The following SACS variants were observed in gnomAD, a reference collection of about 807,000 sequenced individuals.
SACS encodes sacsin.
Under a neutral mutation model 348.0 loss-of-function variants are expected in SACS, and 197 were observed. The observed-to-expected ratio is 0.57, with a 90% CI of 0.50 to 0.64. The LOEUF is 0.64. SACS is among the 30% of genes least tolerant of loss of function. The pLI is 0.00. For synonymous variants in SACS, 1,985 were observed against 1,910.6 expected (o/e 1.04, Z -1.02); for missense variants, 4,999 against 5,360.8 (o/e 0.93, Z 2.11).
rs1276892864 is a variant in SACS at position 23,334,982 on chromosome 13, A to C, written c.8894T>G (p.Val2965Gly). The C allele has an allele frequency of 6.2e-7, 1 of 1,613,926 alleles. No homozygotes were observed. The highest frequency in any genetic ancestry group is 8.5e-7 in the Non-Finnish European group (1 of 1,179,832). Reference protein sequence around the residue: ...TLKKFLSFFPVNRLDLQPDLY... With the variant: ...TLKKFLSFFPGNRLDLQPDLY... ...ATCTGGCTGTAGATCAAGACGGTTA[A>C]CTGGGAAAAACGATAAAAACTTCTT... is the stretch of plus-strand genomic sequence containing the variant. Residue 2965 changes from valine (V) to glycine (G), a missense_variant, in exon 10 of 10, where the codon GTT becomes GGT. By Grantham distance (109) the Val-to-Gly change is moderately radical (BLOSUM62 -3). Around this residue, in one of 6 missense-constraint regions of SACS, gnomAD observed 734 missense variants for 694.0 expected, o/e 1.06. Transcript: ENST00000382292.
chr13:23,433,564 C>G (rs922709110), intron 1 of SACS, 51 bp downstream of exon 1: 1 of 152,372 alleles, frequency 6.6e-6, no homozygotes, highest in Non-Finnish European at 1.5e-5. Context: ...CGTCCCCAGG[C>G]CGCTCCTGCA....
intron 2 of SACS, among the ~76,000 whole-genome samples, chr13:23,399,742 C>T (rs546211840): frequency 1.2e-4 from 19 of 152,126 alleles, no homozygotes; most frequent in South Asian, 4.2e-4. Flanking sequence ...TTTGAGTGCT[C>T]GTTTTCCTTG....
intron 1 of SACS, among the ~76,000 whole-genome samples, chr13:23,424,382 G>A (rs905291048): frequency 9.2e-5 from 14 of 152,254 alleles, no homozygotes; most frequent in South Asian, 2.1e-4. Flanking sequence ...AAAATTAGCC[G>A]GGCATGGTGG....
At chr13:23,428,930 C>T (rs1173087484) in intron 1 of SACS, 1 of 152,138 alleles carries the variant, frequency 6.6e-6, no homozygotes, top group Non-Finnish European at 1.5e-5. Flanking sequence ...GTTTATCTGG[C>T]CTCAGATTCT....
intron 1 of SACS, among the ~76,000 whole-genome samples, chr13:23,426,607 T>C (rs1352139794): frequency 1.4e-5 from 2 of 142,126 alleles, no homozygotes; most frequent in African/African-American, 5.3e-5. Context: ...GCCATTGCAC[T>C]CCAGCCTGGG....
intron 1 of SACS, among the ~76,000 whole-genome samples, chr13:23,426,458 T>G (rs1874179549): frequency 6.6e-6 from 1 of 152,034 alleles, no homozygotes. Context: ...CTGGCCAACA[T>G]GGTGAAACCC....
In SACS at chr13:23,368,434, T is replaced by G; in HGVS notation, c.313A>C (p.Arg105=). 6.2e-7 allele frequency: 1 copy of G among 1,613,096 alleles called. No homozygotes were observed. Among genetic ancestry groups the G allele is most frequent in the Non-Finnish European group, 8.5e-7 (1 of 1,179,512 alleles). Residue 105 remains arginine (R), a synonymous_variant, in exon 5 of 10, where the codon AGA becomes CGA. Transcript: ENST00000382292. ...PLVDFLKDIL[R]RYPEGGQILK... Reference sequence around the variant, plus strand: ...ATCTGTCCTCCTTCTGGATATCTTCTCAAAATGTCCTTGAGAAAATCAACA... The same window carrying G: ...ATCTGTCCTCCTTCTGGATATCTTCGCAAAATGTCCTTGAGAAAATCAACA...
chr13:23,420,232 C>T (rs999319338), intron 1 of SACS, among the ~76,000 whole-genome samples: 1 of 152,138 alleles, frequency 6.6e-6, no homozygotes, highest in Non-Finnish European at 1.5e-5. Context: ...TTACCTGGAA[C>T]CTGATGTCCA....
intron 2 of SACS, among the ~76,000 whole-genome samples, chr13:23,403,144 C>G (rs1455187339): frequency 6.6e-6 from 1 of 151,810 alleles, no homozygotes; most frequent in East Asian, 1.9e-4. Context: ...CACCACTGCA[C>G]TCTAGCCTGG....
intron 8 of SACS, among the ~76,000 whole-genome samples, chr13:23,354,292 A>G (rs923520381): frequency 4.6e-5 from 7 of 152,232 alleles, no homozygotes; most frequent in African/African-American, 1.7e-4. Context: ...ATTTCCAAGA[A>G]AAACAGCTGC....
At chr13:23,375,535 G>T (rs972665467) in intron 2 of SACS, 2 of 1,074,908 alleles carry the variant, frequency 1.9e-6, no homozygotes, top group African/African-American at 1.9e-5. Context: ...CGCGGCGGCC[G>T]AGGAGCAGGC....
chr13:23,403,467 G>A (rs1873071074), intron 2 of SACS, among the ~76,000 whole-genome samples: 1 of 152,134 alleles, frequency 6.6e-6, no homozygotes, highest in African/African-American at 2.4e-5. Context: ...ATTATTCCTG[G>A]TTTAGTCTTG....
chr13:23,386,557 G>C (rs555307549), intron 2 of SACS, among the ~76,000 whole-genome samples: 51 of 152,308 alleles, frequency 3.3e-4, no homozygotes, highest in African/African-American at 1.0e-3. Context: ...CACTCAAATT[G>C]ATTCCTAATC....
intron 1 of SACS, among the ~76,000 whole-genome samples, chr13:23,430,486 T>G (rs1874391376): frequency 6.6e-6 from 1 of 152,220 alleles, no homozygotes; most frequent in African/African-American, 2.4e-5. Context: ...TGCAATATTT[T>G]TTGTATTTAA....
chr13:23,356,122 T>C (rs531787336), intron 7 of SACS, 115 bp from the exon 8 acceptor site: 2 of 838,236 alleles, frequency 2.4e-6, no homozygotes, highest in African/African-American at 1.7e-5. Context: ...AACAGATTTA[T>C]CTAAACACAA....
chr13:23,332,055 G>C lies in SACS; in HGVS notation c.11821C>G (p.Gln3941Glu). ...KSRIQGNIGVQMLVDLSQCYL... is the reference protein window; with the variant it reads ...KSRIQGNIGVEMLVDLSQCYL... ...CACTGGCTGAGATCAACTAACATTT[G>C]CACACCAATATTCCCCTGGATTCTA... Residue 3941 changes from glutamine (Q) to glutamate (E), a missense_variant, in exon 10 of 10, where the codon CAA (glutamine) becomes GAA (glutamate). Gln to Glu is a conservative substitution (Grantham distance 29). Around this residue, in one of 6 missense-constraint regions of SACS, gnomAD observed 831 missense variants for 941.8 expected, o/e 0.88. Transcript: ENST00000382292. 6.2e-7 allele frequency: 1 copy of C among 1,614,052 alleles called. No homozygotes were observed. The highest frequency in any genetic ancestry group is 1.3e-5 in the African/African-American group (1 of 75,032).
At chr13:23,425,970 TA>T (rs112159765) in intron 1 of SACS, among the ~76,000 whole-genome samples, 1 of 152,228 alleles carries the variant, frequency 6.6e-6, no homozygotes, top group African/African-American at 2.4e-5. Flanking sequence ...TTAGATTTGT[TA>T]AAGTGATTTC....
In SACS at chr13:23,375,258, A is replaced by C. The variant is rs1335111645; in HGVS notation, c.32T>G (p.Val11Gly). Residue 11 changes from valine (V) to glycine (G), a missense_variant, in exon 3 of 10, where the codon GTG (valine) becomes GGG (glycine). Val to Gly is a moderately radical substitution (Grantham distance 109). This residue lies in a region of SACS where 3,156 missense variants were observed against 3,380.1 expected (regional missense o/e 0.93). Coordinates refer to ENST00000382292, the MANE Select transcript of SACS (RefSeq NM_014363.6). The stretch of plus-strand genomic sequence containing the variant: ...GCCCACGCAGCCGGGGAGCACGGTC[A>C]CCGGGACCCACCTGTGGAAAGCAGA... METKENRWVP[V>G]TVLPGCVGCR... 1 of 1,472,958 alleles carries C rather than the reference A, an allele frequency of 6.8e-7. No individual in the cohort carries two copies. The highest frequency in any genetic ancestry group is 1.3e-5 in the South Asian group (1 of 75,204). The allele number at this position is 1,472,958 out of a possible 1,614,324, so 91.2% of individuals were successfully genotyped here. A position where few individuals can be genotyped will look rare whatever the true frequency, so the allele number is the denominator to read the frequency against.
Position 23,355,728 on chromosome 13 carries a change from A to T in SACS, c.884T>A (p.Leu295Ter). The T allele has an allele frequency of 6.2e-7, 1 of 1,614,190 alleles. No individual in the cohort carries two copies. The highest frequency in any genetic ancestry group is 8.5e-7 in the Non-Finnish European group (1 of 1,180,040). Reference sequence around the variant, plus strand: ...TGCATCTGCCCTAAAAGACTCAAACAACTCAAGAACCTTCTGCTTATTGTA... The same window carrying T: ...TGCATCTGCCCTAAAAGACTCAAACTACTCAAGAACCTTCTGCTTATTGTA... ...NLYNKQKVLE[L>*]FESFRADADT... Residue 295 changes from leucine (L) to a stop codon, truncating the protein, a stop_gained, in exon 8 of 10, where the codon TTG becomes TAG. Coordinates refer to ENST00000382292, the MANE Select transcript of SACS (RefSeq NM_014363.6). LOFTEE classifies it high-confidence loss of function.
Sources: gnomAD v4.1 joint callset for allele counts (sites outside exome capture counted in the v4.1 genomes callset) on GRCh38, gnomAD v4.1.1 for gene constraint, gnomAD v4.1.1 regional missense constraint, MANE v1.5 for transcripts, NCBI Gene and HGNC (gene_info 2026-07-23, HGNC 2026-07-21) for gene names.